Variants in SYNE1 observed in about 807,000 individuals in gnomAD.
The protein encoded by SYNE1 is nesprin-1.
SYNE1 carries 616 observed loss-of-function variants against 1,111.0 expected under a neutral mutation model. That is an observed-to-expected ratio of 0.55 (90% CI 0.52 to 0.59). The LOEUF is 0.59. Among genes scored for constraint, SYNE1 ranks in the 20% least tolerant of loss-of-function variants. The pLI is 0.00. For missense variants in SYNE1, 10,006 were observed against 10,417.0 expected (o/e 0.96, Z 1.72); for synonymous variants, 3,855 against 3,825.8 (o/e 1.01, Z -0.28).
intron 128 of SYNE1, 23 bp from the exon 129 acceptor site, chr6:152,180,317 A>G: frequency 6.2e-7 from 1 of 1,612,936 alleles, no homozygotes; most frequent in South Asian, 1.1e-5. Flanking sequence ...AAATGGGAGA[A>G]TAGGCAAAAT....
intron 11 of SYNE1, among the ~76,000 whole-genome samples, chr6:152,491,222 C>G (rs1337314346): frequency 6.6e-6 from 1 of 151,838 alleles, no homozygotes; most frequent in African/African-American, 2.4e-5. Context: ...TGTCTGATCA[C>G]TGTGGGGATG....
intron 3 of SYNE1, among the ~76,000 whole-genome samples, chr6:152,603,832 ACTAT>A (rs1308162284): frequency 1.4e-4 from 20 of 146,888 alleles, no homozygotes; most frequent in African/African-American, 5.0e-4. Context: ...ATATAGATAT[ACTAT>A]CTATCTATAC....
rs776733924 is a variant in SYNE1 at position 152,211,563 on chromosome 6, C to G, written c.22520G>C (p.Arg7507Pro). The change falls in exon 124 of 146, where the codon CGT becomes CCT. Residue 7507 changes from arginine (R) to proline (P), a missense_variant. Arg to Pro is a moderately radical substitution (Grantham distance 103). Around this residue, in one of 7 missense-constraint regions of SYNE1, gnomAD observed 2,182 missense variants for 2,287.8 expected, o/e 0.95. Coordinates refer to ENST00000367255, the MANE Select transcript of SYNE1 (RefSeq NM_182961.4). ...HELFQAEMFS[R>P]QQILHSIIID... is the part of the protein sequence containing the mutation. ...AATGATTGAGTGCAAAATCTGCTGACGACTGAACATCTCGGCTTGAAACAA... is the reference window on the plus strand; with the variant it reads ...AATGATTGAGTGCAAAATCTGCTGAGGACTGAACATCTCGGCTTGAAACAA... 6.2e-7 allele frequency: 1 copy of G among 1,613,580 alleles called. No individual in the cohort carries two copies. The highest frequency in any genetic ancestry group is 8.5e-7 in the Non-Finnish European group (1 of 1,179,838).
chr6:152,323,714 A>G lies in SYNE1; in HGVS notation c.15681T>C (p.Ile5227=), dbSNP rs1040293635. 6.2e-7 allele frequency: 1 copy of G among 1,614,230 alleles called. No individual in the cohort carries two copies. Among genetic ancestry groups the G allele is most frequent in the Middle Eastern group, 1.6e-4 (1 of 6,062 alleles). Reference sequence around the variant, plus strand: ...CAGGTAACTTATCTTGCAGCTGATCAATCATTTCAGTGGCCTTTTTAACCT... The same window carrying G: ...CAGGTAACTTATCTTGCAGCTGATCGATCATTTCAGTGGCCTTTTTAACCT... The part of the protein sequence containing the change: ...NNKVKKATEM[I]DQLQDKLPGS... Residue 5227 remains isoleucine, a synonymous_variant, in exon 82 of 146, where the codon ATT becomes ATC. Transcript: ENST00000367255.
chr6:152,558,626 A>G (rs2099383686), intron 3 of SYNE1, among the ~76,000 whole-genome samples: 1 of 152,218 alleles, frequency 6.6e-6, no homozygotes, highest in Non-Finnish European at 1.5e-5. Context: ...AAAAGGATCA[A>G]TTCATCAAGA....
intron 128 of SYNE1, among the ~76,000 whole-genome samples, chr6:152,187,491 AG>A (rs1419391092): frequency 6.6e-6 from 1 of 152,048 alleles, no homozygotes; most frequent in African/African-American, 2.4e-5. Context: ...GGGACATAAG[AG>A]CCCCCTCTCA....
intron 3 of SYNE1, among the ~76,000 whole-genome samples, chr6:152,567,689 C>A (rs956463662): frequency 1.3e-5 from 2 of 151,812 alleles, no homozygotes; most frequent in African/African-American, 4.8e-5. Context: ...TGTGCAAAAT[C>A]CAAGAAAAAA....
Position 152,397,000 on chromosome 6 carries a change from T to C in SYNE1, c.7351-20A>G, listed in dbSNP as rs766160162. ...AATGTTCTGTTTCAGGAAATAAAGG[T>C]AATAGGTCCATGGGACTATGCATTA... is the stretch of plus-strand genomic sequence containing the variant. On this transcript the variant is annotated intron_variant, in intron 49 of 145. Transcript: ENST00000367255. 6.2e-7 allele frequency: 1 copy of C among 1,611,794 alleles called. No homozygotes were observed. The highest frequency in any genetic ancestry group is 8.5e-7 in the Non-Finnish European group (1 of 1,177,922).
chr6:152,584,716 A>C (rs978857907), intron 3 of SYNE1, among the ~76,000 whole-genome samples: 5 of 152,144 alleles, frequency 3.3e-5, no homozygotes, highest in South Asian at 2.1e-4. Context: ...TACTTTTCAT[A>C]TCTTATTTAA....
At chr6:152,166,517 A>T (rs2063687311) in intron 130 of SYNE1, among the ~76,000 whole-genome samples, 1 of 152,242 alleles carries the variant, frequency 6.6e-6, no homozygotes, top group African/African-American at 2.4e-5. Flanking sequence ...AAAGCACAAA[A>T]GGATGCAAGT....
rs190301879 is a variant in SYNE1, at chr6:152,407,146, G to A, written c.6591C>T (p.Ser2197=). The A allele has an allele frequency of 5.0e-6, 8 of 1,613,822 alleles. No individual in the cohort carries two copies. Among genetic ancestry groups the A allele is most frequent in the Admixed American group, 1.7e-5 (1 of 60,006 alleles). ...ENMDRLRVSL[S]IWDDVLSTRD... is the part of the protein sequence containing the mutation. ...TAGTTGACAGTACATCATCCCAAAT[G>A]GACAGGCTTACTCTCAGCCTATCCA... Residue 2197 remains serine (S), a synonymous_variant, in exon 45 of 146, where the codon TCC becomes TCT. Transcript: ENST00000367255.
At position 152,478,128 on chromosome 6, in the gene SYNE1, G is replaced by A. The variant is rs78115245; in HGVS notation, c.1350+4957C>T. Among the ~76,000 whole-genome samples the A allele has an allele frequency of 2.2e-4, 33 of 152,256 alleles. No homozygotes were observed. In the East Asian group the frequency reaches 6.0e-3, roughly 28 times the overall value. ...ATGTTTGTGACAGGTGATGTAAGAA[G>A]ACTGAGAACTGGCCATTGGATGAGG... On this transcript the variant is annotated intron_variant, in intron 14 of 145. Coordinates refer to ENST00000367255, the MANE Select transcript of SYNE1 (RefSeq NM_182961.4).
chr6:152,346,190 G>T (rs1354388154), intron 73 of SYNE1, among the ~76,000 whole-genome samples: 9 of 151,708 alleles, frequency 5.9e-5, no homozygotes, highest in Non-Finnish European at 1.3e-4. Flanking sequence ...TTATTTAGAC[G>T]GAGTCTCACT....
intron 49 of SYNE1, among the ~76,000 whole-genome samples, 176 bp from the exon 50 acceptor site, chr6:152,397,156 G>A (rs1314578826): frequency 2.6e-5 from 4 of 152,326 alleles, no homozygotes; most frequent in African/African-American, 9.6e-5. Context: ...AATGGTGTCA[G>A]CCAGCCACTG....
chr6:152,250,220 C>T (rs952939016), intron 104 of SYNE1, among the ~76,000 whole-genome samples: 1 of 151,540 alleles, frequency 6.6e-6, no homozygotes. Flanking sequence ...GCTATGATCA[C>T]GCCACTACAT....
chr6:152,471,575 T>C (rs1564283595), intron 16 of SYNE1, 22 bp downstream of exon 16: 2 of 1,612,856 alleles, frequency 1.2e-6, no homozygotes, highest in Non-Finnish European at 1.7e-6. Flanking sequence ...AGGAATTCTC[T>C]GTCAAAGCAC....
Position 152,344,168 on chromosome 6 carries a change from C to T in SYNE1, c.12138G>A (p.Gln4046=), listed in dbSNP as rs60344647. 8,666 of 1,614,214 alleles carry T rather than the reference C, an allele frequency of 5.4e-3. 289 individuals carry two copies. In the African/African-American group the frequency reaches 0.087, roughly 16 times the overall value. ...QKHVSRQDTL[Q]QCQAWLSAVQ... ...CTGCAGAAAGCCAGGCCTGGCACTG[C>T]TGCAGGGTGTCTTGTCGGCTGACGT... The change falls in exon 74 of 146, where the codon CAG becomes CAA. Residue 4046 remains glutamine (Q), a synonymous_variant. Transcript: ENST00000367255.
At chr6:152,407,762 CTTTTTTT>C (rs34322784) in intron 44 of SYNE1, among the ~76,000 whole-genome samples, 1 of 123,986 alleles carries the variant, frequency 8.1e-6, no homozygotes, top group African/African-American at 3.1e-5. Context: ...AAAGAATGTT[CTTTTTTT>C]TTTTTTTTTT....
chr6:152,199,933 G>A (rs972517257), intron 127 of SYNE1, among the ~76,000 whole-genome samples: 3 of 152,156 alleles, frequency 2.0e-5, no homozygotes, highest in African/African-American at 2.4e-5. Flanking sequence ...AAAAAATGAC[G>A]CCCCATGGCA....
Sources: gnomAD v4.1 joint callset for allele counts (sites outside exome capture counted in the v4.1 genomes callset) on GRCh38, gnomAD v4.1.1 for gene constraint, gnomAD v4.1.1 regional missense constraint, MANE v1.5 for transcripts, NCBI Gene and HGNC (gene_info 2026-07-23, HGNC 2026-07-21) for gene names.